GRHL2: variants seen among roughly 807,000 people sequenced by gnomAD.
GRHL2 encodes grainyhead-like protein 2 homolog.
In GRHL2, 21 loss-of-function variants were observed where a neutral mutation model predicts 83.8. That is an observed-to-expected ratio of 0.25 (90% confidence interval 0.18 to 0.36). GRHL2 has a LOEUF of 0.36. Among genes scored for constraint, GRHL2 ranks in the 10% least tolerant of loss-of-function variants. GRHL2 has a pLI of 1.00. For synonymous variants in GRHL2, 280 were observed against 278.9 expected (o/e 1.00, Z -0.04); for missense variants, 623 against 781.8 (o/e 0.80, Z 2.42).
intron 7 of GRHL2, among the ~76,000 whole-genome samples, chr8:101,591,636 C>A (rs953942306): frequency 6.6e-6 from 1 of 152,128 alleles, no homozygotes; most frequent in Admixed American, 6.5e-5. Context: ...ATCAAGCAGA[C>A]CCGGATTCAA....
At chr8:101,671,071 G>A (rs151021681), downstream of GRHL2, among the ~76,000 whole-genome samples, 773 of 152,270 alleles carry the variant, frequency 5.1e-3, 9 homozygotes, top group East Asian at 0.017. Flanking sequence ...GAACAGCTCC[G>A]GTCTACAGCT....
chr8:101,656,249 G>A (rs746476178), intron 14 of GRHL2, among the ~76,000 whole-genome samples: 18 of 152,198 alleles, frequency 1.2e-4, no homozygotes, highest in Middle Eastern at 3.2e-3. Context: ...CATAAGTTTT[G>A]TTGACTGAAT....
intron 1 of GRHL2, among the ~76,000 whole-genome samples, chr8:101,538,344 A>T (rs1458574005): frequency 6.6e-6 from 1 of 152,000 alleles, no homozygotes; most frequent in African/African-American, 2.4e-5. Flanking sequence ...GCACAGCTGC[A>T]TGGTCCCTTT....
At chr8:101,604,126 A>G (rs1444181605) in intron 8 of GRHL2, among the ~76,000 whole-genome samples, 2 of 151,878 alleles carry the variant, frequency 1.3e-5, no homozygotes, top group South Asian at 2.1e-4. Context: ...TATGATCCCA[A>G]TGGGAGGACT....
At chr8:101,601,610 C>G (rs918004166) in intron 8 of GRHL2, among the ~76,000 whole-genome samples, 1 of 152,110 alleles carries the variant, frequency 6.6e-6, no homozygotes, top group African/African-American at 2.4e-5. Context: ...AGCTCACATA[C>G]GCTTTGAAAA....
At chr8:101,618,234 T>C (rs1812893923) in intron 8 of GRHL2, among the ~76,000 whole-genome samples, 1 of 152,154 alleles carries the variant, frequency 6.6e-6, no homozygotes, top group Non-Finnish European at 1.5e-5. Context: ...TGAGGAGAAA[T>C]TTAGCTCATT....
intron 1 of GRHL2, among the ~76,000 whole-genome samples, chr8:101,506,326 A>G (rs1400744666): frequency 6.6e-6 from 1 of 152,242 alleles, no homozygotes; most frequent in Non-Finnish European, 1.5e-5. Context: ...AGAAACAAGT[A>G]TCTAGAAGAA....
chr8:101,567,811 C>G (rs1225725927), intron 4 of GRHL2, among the ~76,000 whole-genome samples: 1 of 152,192 alleles, frequency 6.6e-6, no homozygotes. Context: ...ACAGAATTTA[C>G]AAGTCCAATA....
rs1172568615 is a variant in GRHL2, at chr8:101,522,750, T to TATATAC, written c.21-20490_21-20489insTATACA. ...ACATATACATATACATATATATATA[T>TATATAC]ACACACACATATACATATATATATA... On this transcript the variant is annotated intron_variant, in intron 1 of 15. Coordinates refer to ENST00000646743, the MANE Select transcript of GRHL2 (RefSeq NM_024915.4). Among the ~76,000 whole-genome samples the TATATAC allele has an allele frequency of 7.1e-3, 931 of 130,410 alleles. 10 individuals are homozygous for TATATAC. The highest frequency in any genetic ancestry group is 0.027 in the African/African-American group (861 of 31,596). 85.6% of individuals were successfully genotyped at this position (130,410 alleles called of 152,430 possible). A position where few individuals can be genotyped will look rare whatever the true frequency, so the allele number is the denominator to read the frequency against.
At chr8:101,577,091 G>A (rs141410225) in intron 6 of GRHL2, among the ~76,000 whole-genome samples, 2 of 152,026 alleles carry the variant, frequency 1.3e-5, no homozygotes, top group East Asian at 1.9e-4. Context: ...AATTTGGGGG[G>A]GGTTTCTGCT....
chr8:101,511,506 C>A (rs1267735126), intron 1 of GRHL2, among the ~76,000 whole-genome samples: 1 of 152,148 alleles, frequency 6.6e-6, no homozygotes, highest in Non-Finnish European at 1.5e-5. Flanking sequence ...TGCCACCACA[C>A]CTGGCTAATT....
chr8:101,665,789 A>G (rs1814038061), intron 15 of GRHL2, among the ~76,000 whole-genome samples: 1 of 147,814 alleles, frequency 6.8e-6, no homozygotes, highest in African/African-American at 2.5e-5. Flanking sequence ...CTGCTGACAC[A>G]TAACTGTAAA....
At chr8:101,542,461 A>G (rs1251643411) in intron 1 of GRHL2, among the ~76,000 whole-genome samples, 2 of 152,002 alleles carry the variant, frequency 1.3e-5, no homozygotes, top group Non-Finnish European at 2.9e-5. Context: ...AGGCTGAGGC[A>G]GAGAATCCTT....
chr8:101,640,722 G>A (rs1212057149), intron 12 of GRHL2, among the ~76,000 whole-genome samples: 1 of 152,148 alleles, frequency 6.6e-6, no homozygotes, highest in Non-Finnish European at 1.5e-5. Flanking sequence ...AAGCAGCTCT[G>A]TGGCTTCTAC....
intron 6 of GRHL2, among the ~76,000 whole-genome samples, chr8:101,576,110 C>T (rs1378034988): frequency 6.6e-6 from 1 of 152,160 alleles, no homozygotes; most frequent in Non-Finnish European, 1.5e-5. Context: ...TCTGTCCTTG[C>T]TAAGTTTGAT....
At chr8:101,674,016 A>T (rs1167905993), downstream of GRHL2, among the ~76,000 whole-genome samples, 1 of 152,188 alleles carries the variant, frequency 6.6e-6, no homozygotes, top group African/African-American at 2.4e-5. Flanking sequence ...CAACGAGAAC[A>T]AAGACACAAC....
At chr8:101,575,910 C>T (rs1402030489) in intron 6 of GRHL2, among the ~76,000 whole-genome samples, 1 of 152,170 alleles carries the variant, frequency 6.6e-6, no homozygotes, top group Non-Finnish European at 1.5e-5. Flanking sequence ...GAAGATCTCA[C>T]TGCTTGTGAA....
At chr8:101,599,184 T>G in intron 8 of GRHL2, 33 bp downstream of exon 8, 1 of 1,327,298 alleles carries the variant, frequency 7.5e-7, no homozygotes, top group Non-Finnish European at 1.1e-6. Context: ...TTATACCTCT[T>G]AATATGTGCC....
At chr8:101,598,241 A>ATTT (rs5893574) in intron 7 of GRHL2, among the ~76,000 whole-genome samples, 21 of 137,128 alleles carry the variant, frequency 1.5e-4, no homozygotes, top group East Asian at 1.3e-3. Context: ...GTCCAAAAAG[A>ATTT]TTTTTTTTTT....
Sources: gnomAD v4.1 joint callset for allele counts (sites outside exome capture counted in the v4.1 genomes callset) on GRCh38, gnomAD v4.1.1 for gene constraint, MANE v1.5 for transcripts, NCBI Gene and HGNC (gene_info 2026-07-23, HGNC 2026-07-21) for gene names.